PTPRN2: variants seen among roughly 807,000 people sequenced by gnomAD.
PTPRN2 encodes the protein receptor-type tyrosine-protein phosphatase N2.
PTPRN2 carries 74 observed loss-of-function variants against 118.8 expected under a neutral mutation model. The observed-to-expected ratio is 0.62, with a 90% CI of 0.52 to 0.76. PTPRN2 has a LOEUF of 0.76. Ranked by LOEUF, PTPRN2 falls within the 30% of genes least tolerant of loss-of-function variation. The probability of loss-of-function intolerance (pLI) is 0.00; values close to 1 mark genes in which losing one functional copy is unlikely to be tolerated. For synonymous variants in PTPRN2, 641 were observed against 608.0 expected (o/e 1.05, Z -0.80); for missense variants, 1,481 against 1,394.4 (o/e 1.06, Z -0.99).
chr7:157,747,457 C>T (rs1339815477), intron 12 of PTPRN2, among the ~76,000 whole-genome samples: 159 of 92,222 alleles, frequency 1.7e-3, no homozygotes, highest in Admixed American at 3.9e-3. Context: ...GGCCTGCGTC[C>T]CTGAGCTGTG....
intron 6 of PTPRN2, among the ~76,000 whole-genome samples, chr7:158,145,690 T>A (rs552282551): frequency 1.3e-5 from 2 of 152,360 alleles, no homozygotes; most frequent in East Asian, 3.9e-4. Flanking sequence ...GCCTGCACAC[T>A]TTCTCAGGCC....
At chr7:157,567,711 CGT>C (rs201308151) in intron 21 of PTPRN2, among the ~76,000 whole-genome samples, 1 of 152,124 alleles carries the variant, frequency 6.6e-6, no homozygotes, top group East Asian at 1.9e-4. Context: ...AACACATATA[CGT>C]GTGTGTGTGT....
At chr7:158,161,670 G>A (rs1465334128) in intron 6 of PTPRN2, among the ~76,000 whole-genome samples, 1 of 152,144 alleles carries the variant, frequency 6.6e-6, no homozygotes, top group Non-Finnish European at 1.5e-5. Context: ...CCTTGGGTTT[G>A]GTGATGACTT....
Position 157,621,442 on chromosome 7 carries a change from T to C in PTPRN2, c.2264A>G (p.Tyr755Cys), listed in dbSNP as rs1803235743. 1 of 1,613,888 alleles carries C rather than the reference T, an allele frequency of 6.2e-7. No individual in the cohort carries two copies. Residue 755 changes from tyrosine (Y) to cysteine (C), a missense_variant, in exon 15 of 23, where the codon TAC becomes TGC. Coordinates refer to ENST00000389418, the MANE Select transcript of PTPRN2 (RefSeq NM_002847.5). ...GAACGAGCTGTTGGGCTCCGCCTGG[T>C]AGGCGCACAGCGCTTCCCACTCCTT... ...LEKEWEALCA[Y>C]QAEPNSSFVA...
rs1801336092 is a variant in PTPRN2 at position 157,596,260 on chromosome 7, A to G, written c.2419-945T>C. 6.6e-6 allele frequency among the ~76,000 whole-genome samples: 1 copy of G among 152,218 alleles called. No individual in the cohort carries two copies. Reference sequence around the variant, plus strand: ...TTTGTGTATCCTGGAAAGGGGGCACAGGCACAGCCGGTCAGCCTGGGCCTG... The same window carrying G: ...TTTGTGTATCCTGGAAAGGGGGCACGGGCACAGCCGGTCAGCCTGGGCCTG... On this transcript the variant is annotated intron_variant, in intron 16 of 22. Coordinates refer to ENST00000389418, the MANE Select transcript of PTPRN2 (RefSeq NM_002847.5). The surrounding 1 kb of genome is among the most constrained non-coding windows in gnomAD (Gnocchi z 4.2).
chr7:158,171,566 G>C (rs533979726), intron 5 of PTPRN2, among the ~76,000 whole-genome samples: 2 of 151,922 alleles, frequency 1.3e-5, no homozygotes, highest in East Asian at 3.9e-4. Context: ...GGTCAGGCTG[G>C]TCTCAAACTC....
intron 2 of PTPRN2, among the ~76,000 whole-genome samples, chr7:158,332,196 AC>A (rs1401132154): frequency 6.7e-5 from 10 of 149,214 alleles, no homozygotes; most frequent in Non-Finnish European, 1.3e-4. Flanking sequence ...AAGATGTGAC[AC>A]CTGCAGACAT....
chr7:158,506,330 C>T (rs796725817), intron 1 of PTPRN2, among the ~76,000 whole-genome samples: 20 of 152,222 alleles, frequency 1.3e-4, no homozygotes, highest in South Asian at 8.3e-4. Context: ...GCCAAGGCTG[C>T]GGGCTCCACA....
At chr7:158,550,933 C>T (rs1826614181) in intron 1 of PTPRN2, among the ~76,000 whole-genome samples, 1 of 152,198 alleles carries the variant, frequency 6.6e-6, no homozygotes, top group Non-Finnish European at 1.5e-5. Context: ...TGGCCCTCAT[C>T]CCATCCATGA....
intron 11 of PTPRN2, among the ~76,000 whole-genome samples, chr7:158,070,578 TGGTGGTGGA>T (rs1811215572): frequency 1.8e-5 from 2 of 112,614 alleles, no homozygotes; most frequent in African/African-American, 7.9e-5. Flanking sequence ...GAGGTGCCCG[TGGTGGTGGA>T]GGTGCCTGTG....
At chr7:157,636,928 T>TGC (rs1804356101) in intron 14 of PTPRN2, among the ~76,000 whole-genome samples, 3 of 152,216 alleles carry the variant, frequency 2.0e-5, no homozygotes, top group Non-Finnish European at 4.4e-5. Context: ...AAAGTAAATA[T>TGC]CTTCTAAGCC....
chr7:157,720,751 C>T (rs564945538), intron 12 of PTPRN2, among the ~76,000 whole-genome samples: 1 of 152,272 alleles, frequency 6.6e-6, no homozygotes, highest in East Asian at 1.9e-4. Flanking sequence ...ATAGAAATTA[C>T]AAAAAGATGG....
At chr7:157,737,068 C>T (rs565755294) in intron 12 of PTPRN2, among the ~76,000 whole-genome samples, 15 of 152,328 alleles carry the variant, frequency 9.8e-5, no homozygotes, top group African/African-American at 3.6e-4. Flanking sequence ...TCACACCAGG[C>T]GTCTTGGATA....
Position 157,691,067 on chromosome 7 carries a change from T to TCC in PTPRN2, c.1789-8132_1789-8131dup, listed in dbSNP as rs1279163589. 5.6e-3 allele frequency among the ~76,000 whole-genome samples: 247 copies of TCC among 44,488 alleles called. 37 individuals carry two copies. The highest frequency in any genetic ancestry group is 0.028 in the Middle Eastern group (1 of 36). 29.2% of individuals were successfully genotyped at this position (44,488 alleles called of 152,430 possible). A position where few individuals can be genotyped will look rare whatever the true frequency, so the allele number is the denominator to read the frequency against. On this transcript the variant is annotated intron_variant, in intron 12 of 22. Coordinates refer to ENST00000389418, the MANE Select transcript of PTPRN2 (RefSeq NM_002847.5). ...CCAGCCACCGGTTGCTATAGCGATG[T>TCC]CCCCCCCCCCCCCCACATGTTGCTG...
chr7:157,750,787 C>CGGA (rs1398496157), intron 12 of PTPRN2, among the ~76,000 whole-genome samples: 1 of 152,214 alleles, frequency 6.6e-6, no homozygotes, highest in Non-Finnish European at 1.5e-5. Flanking sequence ...TCAGTGGGTT[C>CGGA]GGAAACAGCT....
At chr7:158,576,669 C>G (rs1828338216) in intron 1 of PTPRN2, among the ~76,000 whole-genome samples, 1 of 152,204 alleles carries the variant, frequency 6.6e-6, no homozygotes. Flanking sequence ...GGTTCTGGAG[C>G]AAGATGGAAA....
At chr7:158,336,365 A>G (rs1471628632) in intron 2 of PTPRN2, among the ~76,000 whole-genome samples, 60 of 146,744 alleles carry the variant, frequency 4.1e-4, no homozygotes, top group African/African-American at 1.4e-3. Context: ...CACTCTCACC[A>G]TAAGAGCTGA....
chr7:158,329,487 C>A (rs13309363), intron 2 of PTPRN2, among the ~76,000 whole-genome samples: 59,632 of 151,896 alleles, frequency 0.39, 11,888 homozygotes, highest in Middle Eastern at 0.47. Context: ...CTTACACAGG[C>A]CCCAAGGACG....
At chr7:158,191,800 C>T (rs1825787088) in intron 5 of PTPRN2, among the ~76,000 whole-genome samples, 1 of 152,072 alleles carries the variant, frequency 6.6e-6, no homozygotes, top group South Asian at 2.1e-4. Flanking sequence ...GTTTTGGTGC[C>T]CAGACCCTCA....
Sources: allele counts gnomAD v4.1 joint callset (sites outside exome capture counted in the v4.1 genomes callset), GRCh38; gene constraint gnomAD v4.1.1; non-coding constraint Gnocchi (gnomAD v3.1); transcripts MANE v1.5; gene names NCBI Gene and HGNC (gene_info 2026-07-23, HGNC 2026-07-21).